FRAS1: variants seen among roughly 807,000 people sequenced by gnomAD.
FRAS1 encodes Fraser extracellular matrix complex subunit 1, also known as extracellular matrix organizing protein FRAS1.
FRAS1 carries 290 observed loss-of-function variants against 435.2 expected under a neutral mutation model. That is an observed-to-expected ratio of 0.67 (90% confidence interval 0.61 to 0.73). The LOEUF (loss-of-function observed/expected upper bound fraction) is 0.73. Among genes scored for constraint, FRAS1 ranks in the 30% least tolerant of loss-of-function variants. FRAS1 has a pLI of 0.00. For synonymous variants in FRAS1, 1,800 were observed against 1,851.0 expected (o/e 0.97, Z 0.71); for missense variants, 4,860 against 5,001.5 (o/e 0.97, Z 0.85).
chr4:78,279,983 A>G (rs1727251733), intron 10 of FRAS1, among the ~76,000 whole-genome samples: 3 of 152,158 alleles, frequency 2.0e-5, no homozygotes, highest in African/African-American at 4.8e-5. Context: ...TTAACTAGCC[A>G]CTTATCACAC....
In FRAS1 at chr4:78,078,254, G is replaced by A. The variant is rs971766695; in HGVS notation, c.108+12238G>A. On this transcript the variant is annotated intron_variant, in intron 2 of 73. Transcript: ENST00000512123. The stretch of plus-strand genomic sequence containing the variant: ...GCAACACTGTGATGAATGTTCTTGC[G>A]CACTCTTCAATTATTTCCTTTGGGC... 6.6e-5 allele frequency among the ~76,000 whole-genome samples: 10 copies of A among 152,154 alleles called. No homozygotes were observed. In the South Asian group the frequency reaches 1.2e-3, roughly 19 times the overall value.
chr4:78,069,193 A>G (rs1219782753), intron 2 of FRAS1, among the ~76,000 whole-genome samples: 1 of 152,178 alleles, frequency 6.6e-6, no homozygotes, highest in Non-Finnish European at 1.5e-5. Flanking sequence ...CTTAGTCCAG[A>G]CTGTCCATTT....
intron 2 of FRAS1, among the ~76,000 whole-genome samples, chr4:78,137,649 C>T (rs1007139241): frequency 1.3e-5 from 2 of 152,180 alleles, no homozygotes; most frequent in African/African-American, 4.8e-5. Flanking sequence ...GTCATCTTGG[C>T]ATTGTTGGGT....
intron 19 of FRAS1, among the ~76,000 whole-genome samples, chr4:78,337,348 C>G (rs112475651): frequency 1.3e-5 from 2 of 152,166 alleles, no homozygotes; most frequent in South Asian, 4.1e-4. Context: ...TCCTACCACT[C>G]GTGTTTCTGC....
intron 27 of FRAS1, among the ~76,000 whole-genome samples, chr4:78,380,709 G>A (rs1193482887): frequency 1.3e-5 from 2 of 152,188 alleles, no homozygotes; most frequent in Non-Finnish European, 2.9e-5. Flanking sequence ...AGATAATTCA[G>A]CATAGACTCT....
chr4:78,354,637 G>A (rs1272354205), intron 20 of FRAS1, among the ~76,000 whole-genome samples: 8 of 152,068 alleles, frequency 5.3e-5, no homozygotes, highest in Admixed American at 3.3e-4. Context: ...TTCACCTGAC[G>A]AAGAACAGCT....
chr4:78,408,670 A>T (rs1032551707), intron 31 of FRAS1, among the ~76,000 whole-genome samples: 1 of 152,208 alleles, frequency 6.6e-6, no homozygotes, highest in African/African-American at 2.4e-5. Flanking sequence ...TGTCTGTCAA[A>T]TAGGATTATT....
chr4:78,404,925 T>C (rs1560708542), intron 30 of FRAS1, among the ~76,000 whole-genome samples: 1 of 152,188 alleles, frequency 6.6e-6, no homozygotes, highest in Non-Finnish European at 1.5e-5. Context: ...AATCGATTCA[T>C]GTCATTCACC....
chr4:78,058,066 A>T lies in FRAS1; in HGVS notation c.57A>T (p.Val19=). The change falls in exon 1 of 74, where the codon GTA becomes GTT. Residue 19 remains valine, a synonymous_variant. Transcript: ENST00000512123. ...GLALALAEFA[V]LPHHSEGACV... Reference sequence around the variant, plus strand: ...CCCTAGCGTTGGCGGAATTTGCAGTATTGCCTCATCATTCCGAAGGTGAGA... The same window carrying T: ...CCCTAGCGTTGGCGGAATTTGCAGTTTTGCCTCATCATTCCGAAGGTGAGA... 6.2e-7 allele frequency: 1 copy of T among 1,613,438 alleles called. No individual in the cohort carries two copies. The highest frequency in any genetic ancestry group is 8.5e-7 in the Non-Finnish European group (1 of 1,179,810).
intron 64 of FRAS1, 109 bp from the exon 65 acceptor site, chr4:78,513,283 A>C: frequency 9.0e-7 from 1 of 1,113,950 alleles, no homozygotes; most frequent in Non-Finnish European, 1.3e-6. Context: ...GGAAGAAAAA[A>C]AAATGGTAGC....
intron 4 of FRAS1, among the ~76,000 whole-genome samples, chr4:78,249,774 C>T (rs1256272590): frequency 6.6e-6 from 1 of 152,118 alleles, no homozygotes; most frequent in African/African-American, 2.4e-5. Flanking sequence ...TCTTATTTTA[C>T]AGATGAACGA....
At chr4:78,267,696 G>A (rs1400346863) in intron 9 of FRAS1, among the ~76,000 whole-genome samples, 1 of 152,224 alleles carries the variant, frequency 6.6e-6, no homozygotes, top group Non-Finnish European at 1.5e-5. Flanking sequence ...GACATGAAAG[G>A]GAAGGACATG....
intron 18 of FRAS1, among the ~76,000 whole-genome samples, chr4:78,328,396 A>G (rs1022725221): frequency 6.6e-6 from 1 of 152,222 alleles, no homozygotes; most frequent in Non-Finnish European, 1.5e-5. Context: ...TGGTATCATC[A>G]GACATATATT....
chr4:78,255,748 A>G (rs1725762421), intron 6 of FRAS1, among the ~76,000 whole-genome samples: 1 of 152,248 alleles, frequency 6.6e-6, no homozygotes, highest in African/African-American at 2.4e-5. Context: ...TTTTTAAGAC[A>G]TAATGCATAT....
At chr4:78,521,928 A>G (rs1309171564) in intron 68 of FRAS1, among the ~76,000 whole-genome samples, 1 of 152,224 alleles carries the variant, frequency 6.6e-6, no homozygotes, top group Non-Finnish European at 1.5e-5. Flanking sequence ...CATTGATTCA[A>G]TAATATCCAG....
At chr4:78,382,518 A>T (rs1471285087) in intron 27 of FRAS1, among the ~76,000 whole-genome samples, 1 of 152,098 alleles carries the variant, frequency 6.6e-6, no homozygotes, top group Non-Finnish European at 1.5e-5. Flanking sequence ...TCTGTCCTGG[A>T]AGACAATCCA....
Position 78,494,586 on chromosome 4 carries a change from C to T in FRAS1, c.8959-2219C>T, listed in dbSNP as rs939457968. 2.6e-5 allele frequency among the ~76,000 whole-genome samples: 4 copies of T among 152,300 alleles called. No individual in the cohort carries two copies. In the South Asian group the frequency reaches 8.3e-4, roughly 32 times the overall value. On this transcript the variant is annotated intron_variant, in intron 59 of 73. Coordinates refer to ENST00000512123, the MANE Select transcript of FRAS1 (RefSeq NM_025074.7). ...CCTGTGAGAATGGCACCAAGCCATT[C>T]ATGAGAGAACTGTCCCCATCACCCA... is the stretch of plus-strand genomic sequence containing the variant.
chr4:78,467,918 A>T (rs1719585169), intron 50 of FRAS1, among the ~76,000 whole-genome samples: 1 of 152,090 alleles, frequency 6.6e-6, no homozygotes, highest in African/African-American at 2.4e-5. Flanking sequence ...TTAAAATTAG[A>T]TTATTAGATT....
chr4:78,114,435 C>T (rs1742988904), intron 2 of FRAS1, among the ~76,000 whole-genome samples: 1 of 152,138 alleles, frequency 6.6e-6, no homozygotes, highest in African/African-American at 2.4e-5. Context: ...TGGCCATTTT[C>T]ATGATATTGA....
Sources: gnomAD v4.1 joint callset for allele counts (sites outside exome capture counted in the v4.1 genomes callset) on GRCh38, gnomAD v4.1.1 for gene constraint, MANE v1.5 for transcripts, NCBI Gene and HGNC (gene_info 2026-07-23, HGNC 2026-07-21) for gene names.